Variants in MGAT4C observed in about 807,000 individuals in gnomAD.
The protein encoded by MGAT4C is MGAT4 family member C, also known as alpha-1,3-mannosyl-glycoprotein 4-beta-N-acetylglucosaminyltransferase C.
In MGAT4C, 19 loss-of-function variants were observed where a neutral mutation model predicts 40.1. The observed-to-expected ratio is 0.47, with a 90% CI of 0.33 to 0.70. MGAT4C has a LOEUF of 0.70. Ranked by LOEUF, MGAT4C falls within the 30% of genes least tolerant of loss-of-function variation. MGAT4C has a pLI of 0.02. For synonymous variants in MGAT4C, 181 were observed against 187.1 expected (o/e 0.97, Z 0.27); for missense variants, 491 against 563.2 (o/e 0.87, Z 1.30).
chr12:86,787,769 A>G (rs1439509790), intron 1 of MGAT4C, among the ~76,000 whole-genome samples: 1 of 152,102 alleles, frequency 6.6e-6, no homozygotes, highest in African/African-American at 2.4e-5. Flanking sequence ...GTTTTTCAGG[A>G]CAGGATGTCA....
At chr12:86,620,149 T>C (rs183163283) in intron 2 of MGAT4C, among the ~76,000 whole-genome samples, 152 of 152,276 alleles carry the variant, frequency 1.0e-3, no homozygotes, top group African/African-American at 3.5e-3. Context: ...GAAAACAGTA[T>C]GGAGATTTCT....
chr12:86,162,425 C>T (rs938770975), intron 1 of MGAT4C, among the ~76,000 whole-genome samples: 8 of 151,864 alleles, frequency 5.3e-5, no homozygotes, highest in Non-Finnish European at 7.4e-5. Flanking sequence ...TCCTTACTTA[C>T]GAGTGGGAGC....
At chr12:86,609,305 G>A (rs1173319146) in intron 2 of MGAT4C, among the ~76,000 whole-genome samples, 1 of 152,014 alleles carries the variant, frequency 6.6e-6, no homozygotes, top group African/African-American at 2.4e-5. Flanking sequence ...CATGACAGGG[G>A]GAAAGGAGTT....
intron 3 of MGAT4C, among the ~76,000 whole-genome samples, chr12:86,338,499 G>A (rs908979639): frequency 4.6e-5 from 7 of 152,250 alleles, no homozygotes; most frequent in African/African-American, 1.4e-4. Flanking sequence ...GTAAGAAGGA[G>A]GTTTGTTTTG....
chr12:86,577,692 T>C (rs1284246036), intron 2 of MGAT4C, among the ~76,000 whole-genome samples: 1 of 151,868 alleles, frequency 6.6e-6, no homozygotes, highest in Non-Finnish European at 1.5e-5. Context: ...GTTTGAATTT[T>C]GTTGAATTTT....
intron 3 of MGAT4C, among the ~76,000 whole-genome samples, chr12:86,374,953 C>G (rs1955797179): frequency 6.6e-6 from 1 of 152,068 alleles, no homozygotes; most frequent in Admixed American, 6.6e-5. Flanking sequence ...GACATGATAA[C>G]TGAGGAGGAA....
At chr12:86,076,098 T>C (rs1335621132) in intron 1 of MGAT4C, among the ~76,000 whole-genome samples, 3 of 152,236 alleles carry the variant, frequency 2.0e-5, no homozygotes, top group African/African-American at 7.2e-5. Context: ...AGCACCCAAG[T>C]CACCACTTGA....
At chr12:86,608,747 A>G (rs79470487) in intron 2 of MGAT4C, among the ~76,000 whole-genome samples, 5,695 of 152,186 alleles carry the variant, frequency 0.037, 143 homozygotes, top group Non-Finnish European at 0.049. Context: ...ATCTCCTACT[A>G]TAAATGTATT....
chr12:86,141,249 A>C (rs1882797142), intron 1 of MGAT4C, among the ~76,000 whole-genome samples: 1 of 152,210 alleles, frequency 6.6e-6, no homozygotes, highest in South Asian at 2.1e-4. Context: ...AGAGTAGATA[A>C]ATTTTTACAA....
At chr12:86,391,219 T>C (rs768302500) in intron 3 of MGAT4C, among the ~76,000 whole-genome samples, 23 of 152,146 alleles carry the variant, frequency 1.5e-4, no homozygotes, top group Non-Finnish European at 3.1e-4. Flanking sequence ...TCTAAAAACA[T>C]ACATGAATTC....
At chr12:86,291,010 G>A (rs1047631457) in intron 4 of MGAT4C, among the ~76,000 whole-genome samples, 4 of 152,028 alleles carry the variant, frequency 2.6e-5, no homozygotes, top group African/African-American at 9.7e-5. Context: ...AGAGAAATTG[G>A]GTCAGCTGAA....
intron 2 of MGAT4C, among the ~76,000 whole-genome samples, chr12:86,540,975 G>A (rs1959164904): frequency 6.6e-6 from 1 of 152,000 alleles, no homozygotes. Flanking sequence ...ATTTTTACTT[G>A]GCCTATCCTT....
At chr12:86,460,647 C>G (rs1957583819) in intron 2 of MGAT4C, among the ~76,000 whole-genome samples, 1 of 151,672 alleles carries the variant, frequency 6.6e-6, no homozygotes. Flanking sequence ...GTGTGTCTCC[C>G]TTACCTTTAA....
intron 1 of MGAT4C, among the ~76,000 whole-genome samples, chr12:86,812,051 T>C (rs1952487450): frequency 6.6e-6 from 1 of 152,252 alleles, no homozygotes; most frequent in South Asian, 2.1e-4. Context: ...AAATATTTTA[T>C]ATTTGACATA....
At chr12:86,119,320 T>G (rs1878964001) in intron 1 of MGAT4C, among the ~76,000 whole-genome samples, 1 of 152,178 alleles carries the variant, frequency 6.6e-6, no homozygotes, top group Non-Finnish European at 1.5e-5. Context: ...TAGGTATATT[T>G]TATTTACTAA....
intron 2 of MGAT4C, among the ~76,000 whole-genome samples, chr12:86,693,125 T>A (rs1190302833): frequency 6.6e-6 from 1 of 152,166 alleles, no homozygotes; most frequent in Non-Finnish European, 1.5e-5. Flanking sequence ...AGTTAATATC[T>A]GAAGGGATTG....
chr12:86,678,684 G>A lies in MGAT4C; in HGVS notation c.-229+48525C>T, dbSNP rs957209621. Among the ~76,000 whole-genome samples, 5 of 150,386 alleles carry A rather than the reference G, an allele frequency of 3.3e-5. No homozygotes were observed. In the South Asian group the frequency reaches 6.3e-4, roughly 19 times the overall value. On this transcript the variant is annotated intron_variant, in intron 2 of 7. Transcript: ENST00000548651. ...TATGAGTGAGAATATGTGGTGTTTG[G>A]TTTTTTGTTCTTGCGATAGTTTACT...
chr12:86,757,687 A>C (rs1233596537), intron 1 of MGAT4C, among the ~76,000 whole-genome samples: 1 of 152,102 alleles, frequency 6.6e-6, no homozygotes. Context: ...TAAAAATGTA[A>C]AGGGTTGTCA....
rs1020000683 is a variant in MGAT4C, at chr12:86,804,223, A to C, written c.-262+34443T>G. 3.5e-5 allele frequency among the ~76,000 whole-genome samples: 5 copies of C among 144,716 alleles called. No individual in the cohort carries two copies. The Admixed American group carries it at 3.5e-4, about 10-fold the overall frequency. 94.9% of individuals were successfully genotyped at this position (144,716 alleles called of 152,430 possible). On this transcript the variant is annotated intron_variant, in intron 1 of 7. Coordinates refer to the MGAT4C transcript ENST00000548651. ...TAGGTGGGAATTGAACAATGAGATC[A>C]CATGGACACAGGAAGGGGAATATCA...
Sources: gnomAD v4.1 joint callset for allele counts (sites outside exome capture counted in the v4.1 genomes callset) on GRCh38, gnomAD v4.1.1 for gene constraint, MANE v1.5 for transcripts, NCBI Gene and HGNC (gene_info 2026-07-23, HGNC 2026-07-21) for gene names.